DLG2: variants seen among roughly 807,000 people sequenced by gnomAD.
DLG2 encodes the protein disks large homolog 2.
Under a neutral mutation model 132.5 loss-of-function variants are expected in DLG2, and 45 were observed. The ratio of observed to expected loss-of-function variants is 0.34; its 90% CI spans 0.27 to 0.44. The LOEUF (loss-of-function observed/expected upper bound fraction) is 0.44. DLG2 is among the 20% of genes least tolerant of loss of function. The pLI is 1.00. For synonymous variants in DLG2, 424 were observed against 419.6 expected, an observed-to-expected ratio of 1.01 and a Z score of -0.13; for missense variants, 1,045 against 1,196.9, an observed-to-expected ratio of 0.87 and a Z score of 1.87.
At chr11:83,507,663 CT>C (rs951775808) in intron 21 of DLG2, among the ~76,000 whole-genome samples, 56 of 144,774 alleles carry the variant, frequency 3.9e-4, no homozygotes, top group South Asian at 2.2e-3. Flanking sequence ...ATCACCACCC[CT>C]GCATCTTTTA....
In DLG2 at chr11:85,034,078, A is replaced by AT. The variant is rs10719469; in HGVS notation, c.357+77582dup. 5.0e-3 allele frequency among the ~76,000 whole-genome samples: 685 copies of AT among 137,904 alleles called. 3 individuals are homozygous for AT. The highest frequency in any genetic ancestry group is 0.01 in the African/African-American group (381 of 37,268). The allele number at this position is 137,904 out of a possible 152,430, so 90.5% of individuals were successfully genotyped here. A position where few individuals can be genotyped will look rare whatever the true frequency, so the allele number is the denominator to read the frequency against. Reference sequence around the variant, plus strand: ...CTAGTATTGTCCTGAGATATATTAGATTTTTTTTTTTTTTTTTGAGATGGA... The same window carrying AT: ...CTAGTATTGTCCTGAGATATATTAGATTTTTTTTTTTTTTTTTTGAGATGGA... On this transcript the variant is annotated intron_variant, in intron 6 of 27. Coordinates refer to ENST00000376104, the MANE Select transcript of DLG2 (RefSeq NM_001142699.3).
chr11:84,400,951 TTCCTCC>T (rs987329219), intron 7 of DLG2, among the ~76,000 whole-genome samples: 1 of 151,676 alleles, frequency 6.6e-6, no homozygotes, highest in East Asian at 1.9e-4. Flanking sequence ...CATCACCAAC[TTCCTCC>T]TCCTCCTCCT....
chr11:84,666,036 A>G (rs553635031), intron 6 of DLG2, among the ~76,000 whole-genome samples: 67 of 152,242 alleles, frequency 4.4e-4, no homozygotes, highest in African/African-American at 1.6e-3. Context: ...CCCCTCCCCT[A>G]TAGGCATCAC....
intron 3 of DLG2, among the ~76,000 whole-genome samples, chr11:85,359,852 AC>A (rs2084010092): frequency 6.6e-6 from 1 of 152,190 alleles, no homozygotes; most frequent in Non-Finnish European, 1.5e-5. Context: ...TCTCCCCGTC[AC>A]ACACAAAAGA....
chr11:83,932,984 C>T (rs1752044744), intron 14 of DLG2, among the ~76,000 whole-genome samples: 1 of 152,128 alleles, frequency 6.6e-6, no homozygotes, highest in African/African-American at 2.4e-5. Flanking sequence ...AGAGTCGCTC[C>T]AATGGGCACA....
intron 10 of DLG2, among the ~76,000 whole-genome samples, chr11:84,066,253 C>G (rs1270763807): frequency 6.6e-6 from 1 of 152,148 alleles, no homozygotes; most frequent in Non-Finnish European, 1.5e-5. Context: ...AATGCATATT[C>G]ACCTAAATAT....
chr11:84,547,964 A>G (rs2099393604), intron 6 of DLG2, among the ~76,000 whole-genome samples: 1 of 152,228 alleles, frequency 6.6e-6, no homozygotes, highest in South Asian at 2.1e-4. Flanking sequence ...AGAGCTGGTT[A>G]TTGAACAGTA....
intron 7 of DLG2, among the ~76,000 whole-genome samples, chr11:84,506,076 G>GTTTTTTTTTTTTTT (rs559086542): frequency 2.2e-5 from 2 of 91,416 alleles, no homozygotes; most frequent in Non-Finnish European, 2.2e-5. Flanking sequence ...CAGAGGCTCA[G>GTTTTTTTTTTTTTT]TTCTTTTTTT....
intron 15 of DLG2, among the ~76,000 whole-genome samples, chr11:83,923,196 A>G (rs901608621): frequency 6.6e-6 from 1 of 152,172 alleles, no homozygotes; most frequent in Non-Finnish European, 1.5e-5. Context: ...AAATCAATAT[A>G]CATGAGTTCA....
At chr11:85,612,071 T>C (rs1037276013) in intron 2 of DLG2, among the ~76,000 whole-genome samples, 1 of 151,886 alleles carries the variant, frequency 6.6e-6, no homozygotes, top group African/African-American at 2.4e-5. Context: ...CAGAAAGAAA[T>C]AGAAGTAGTA....
In DLG2 at chr11:84,317,274, T is replaced by G. The variant is rs546408341; in HGVS notation, c.520-65983A>C. Reference sequence around the variant, plus strand: ...TGGATTCCTCAGTATCTTTGACAGCTGCTATAAGCAGTGCATCGTGGGAGC... The same window carrying G: ...TGGATTCCTCAGTATCTTTGACAGCGGCTATAAGCAGTGCATCGTGGGAGC... On this transcript the variant is annotated intron_variant, in intron 7 of 27. Transcript: ENST00000376104. 9 of 1,478,512 alleles carry G rather than the reference T, an allele frequency of 6.1e-6. No homozygotes were observed. In the South Asian group the frequency reaches 1.2e-4, roughly 20 times the overall value. 91.6% of individuals were successfully genotyped at this position (1,478,512 alleles called of 1,614,324 possible).
chr11:84,323,687 T>A (rs2098416682), intron 7 of DLG2, among the ~76,000 whole-genome samples: 1 of 151,100 alleles, frequency 6.6e-6, no homozygotes, highest in South Asian at 2.1e-4. Flanking sequence ...TTTCTCCACA[T>A]CCTCAACAAC....
intron 20 of DLG2, 149 bp from the exon 21 acceptor site, chr11:83,532,932 A>C (rs1443051722): frequency 1.5e-6 from 1 of 678,170 alleles, no homozygotes; most frequent in East Asian, 2.9e-5. Flanking sequence ...TCCATATAAA[A>C]AATCTTGGTA....
At chr11:84,612,149 G>C (rs758090718) in intron 6 of DLG2, among the ~76,000 whole-genome samples, 6 of 152,020 alleles carry the variant, frequency 3.9e-5, no homozygotes, top group Non-Finnish European at 7.4e-5. Flanking sequence ...GAGTTTTCTA[G>C]AATTTCATAT....
At chr11:83,928,833 A>G (rs2079540892) in intron 15 of DLG2, among the ~76,000 whole-genome samples, 1 of 152,196 alleles carries the variant, frequency 6.6e-6, no homozygotes, top group Admixed American at 6.5e-5. Flanking sequence ...CTGGCACAGA[A>G]GAGCTCAATA....
intron 6 of DLG2, among the ~76,000 whole-genome samples, chr11:84,819,800 C>CACAGCTTG (rs368034220): frequency 0.013 from 1,970 of 151,796 alleles, 26 homozygotes; most frequent in Non-Finnish European, 0.02. Context: ...AGCTGAATTC[C>CACAGCTTG]ACAGCTTGAC....
chr11:85,316,437 G>A (rs2080681330), intron 3 of DLG2, among the ~76,000 whole-genome samples: 1 of 151,944 alleles, frequency 6.6e-6, no homozygotes, highest in African/African-American at 2.4e-5. Flanking sequence ...CCAAGTGGGA[G>A]CCATATTGGG....
chr11:83,488,127 C>T (rs955188571), intron 21 of DLG2, among the ~76,000 whole-genome samples: 2 of 152,008 alleles, frequency 1.3e-5, no homozygotes, highest in Admixed American at 6.6e-5. Context: ...TCCCCAATCT[C>T]ATAGTATGGA....
chr11:84,746,524 A>G (rs1054833266), intron 6 of DLG2, among the ~76,000 whole-genome samples: 1 of 152,076 alleles, frequency 6.6e-6, no homozygotes. Context: ...GTAGCCTTAG[A>G]CAAGTCACTT....
Sources: gnomAD v4.1 joint callset for allele counts (sites outside exome capture counted in the v4.1 genomes callset) on GRCh38, gnomAD v4.1.1 for gene constraint, MANE v1.5 for transcripts, NCBI Gene and HGNC (gene_info 2026-07-23, HGNC 2026-07-21) for gene names.